TMEM132B: variants seen among roughly 807,000 people sequenced by gnomAD.
The protein encoded by TMEM132B is transmembrane protein 132B.
TMEM132B carries 18 observed loss-of-function variants against 90.8 expected under a neutral mutation model. That is an observed-to-expected ratio of 0.20 (90% CI 0.14 to 0.29). The LOEUF (loss-of-function observed/expected upper bound fraction) is 0.29, where lower values mean the gene tolerates loss of function less well. Among genes scored for constraint, TMEM132B ranks in the 10% least tolerant of loss-of-function variants. The pLI is 1.00. For synonymous variants in TMEM132B, 504 were observed against 523.3 expected, an observed-to-expected ratio of 0.96 and a Z score of 0.50; for missense variants, 1,096 against 1,326.8, an observed-to-expected ratio of 0.83 and a Z score of 2.70.
intron 1 of TMEM132B, among the ~76,000 whole-genome samples, chr12:125,245,211 T>TA (rs1249765325): frequency 2.6e-5 from 4 of 152,146 alleles, no homozygotes; most frequent in Admixed American, 2.0e-4. Context: ...AATCATTTTA[T>TA]AAAAAAAGGG....
intron 1 of TMEM132B, among the ~76,000 whole-genome samples, chr12:125,291,773 A>T (rs1052191647): frequency 1.3e-5 from 2 of 152,180 alleles, no homozygotes; most frequent in Non-Finnish European, 2.9e-5. Context: ...TTTAAAAAAA[A>T]ATTGTGGTGA....
chr12:125,660,522 T>G lies in TMEM132B; in HGVS notation c.*5812T>G. ...AATTGAGATAGGTTCTGAAGTTTTT[T>G]TGTTGTTTGCTTTTAGAAATTTTTA... On this transcript the variant is annotated 3_prime_UTR_variant, in exon 9 of 9. Coordinates refer to ENST00000682704, the MANE Select transcript of TMEM132B (RefSeq NM_001366854.1). The G allele has an allele frequency of 6.6e-6, 1 of 152,010 alleles. No homozygotes were observed. Among genetic ancestry groups the G allele is most frequent in the Non-Finnish European group, 1.5e-5 (1 of 68,026 alleles). The allele number at this position is 152,010 out of a possible 1,614,324, so 9.4% of individuals were successfully genotyped here.
At position 125,517,174 on chromosome 12, in the gene TMEM132B, T is replaced by C. The variant is rs144107533; in HGVS notation, c.1107-2265T>C. On this transcript the variant is annotated intron_variant, in intron 3 of 8. Transcript: ENST00000682704. ...CACATTTTCTCTCTCTCTCTTTTTT[T>C]TTTTTTGAGACAGTTTCGCACTTTC... Among the ~76,000 whole-genome samples the C allele has an allele frequency of 6.8e-3, 1,040 of 152,124 alleles. 20 individuals are homozygous for C. Among genetic ancestry groups the C allele is most frequent in the African/African-American group, 0.024 (1,010 of 41,500 alleles).
intron 3 of TMEM132B, among the ~76,000 whole-genome samples, chr12:125,431,407 G>T (rs1880500654): frequency 6.6e-6 from 1 of 152,120 alleles, no homozygotes; most frequent in Non-Finnish European, 1.5e-5. Flanking sequence ...CTCTACTTCG[G>T]TGGAAAGACA....
chr12:125,232,783 T>C (rs1184728715), intron 1 of TMEM132B, among the ~76,000 whole-genome samples: 2 of 152,266 alleles, frequency 1.3e-5, no homozygotes, highest in Non-Finnish European at 2.9e-5. Context: ...TTCAGTGAAA[T>C]GGCTATGTTG....
At chr12:125,575,084 T>TATATATATATATATATATATATG (rs1160167639) in intron 4 of TMEM132B, among the ~76,000 whole-genome samples, 1 of 19,650 alleles carries the variant, frequency 5.1e-5, no homozygotes, top group East Asian at 1.5e-3. Context: ...ATATATATAT[T>TATATATATATATATATATATATG]CAGGAGTAGA....
At chr12:125,509,675 T>C (rs962172870) in intron 3 of TMEM132B, among the ~76,000 whole-genome samples, 1 of 152,188 alleles carries the variant, frequency 6.6e-6, no homozygotes, top group Non-Finnish European at 1.5e-5. Context: ...GACTATTCTT[T>C]TATACTTTTT....
intron 3 of TMEM132B, among the ~76,000 whole-genome samples, chr12:125,431,418 C>T (rs1023289638): frequency 3.3e-5 from 5 of 152,144 alleles, no homozygotes; most frequent in Non-Finnish European, 7.3e-5. Context: ...TGGAAAGACA[C>T]CAGCCCCCTG....
At chr12:125,379,267 T>C (rs1878587858) in intron 2 of TMEM132B, among the ~76,000 whole-genome samples, 1 of 152,184 alleles carries the variant, frequency 6.6e-6, no homozygotes, top group Admixed American at 6.5e-5. Context: ...GAGGGTATCC[T>C]GGGTTATCCA....
At chr12:125,430,276 G>A (rs370925844) in intron 3 of TMEM132B, among the ~76,000 whole-genome samples, 6 of 152,202 alleles carry the variant, frequency 3.9e-5, no homozygotes, top group African/African-American at 9.7e-5. Flanking sequence ...CGCACTGGCC[G>A]GGGCTGTCTG....
In TMEM132B at chr12:125,209,844, C is replaced by A. The variant is rs749860807; in HGVS notation, c.67+22978C>A. On this transcript the variant is annotated intron_variant, in intron 1 of 8. Transcript: ENST00000682704. This position sits in a 1 kb window ranked among gnomAD's most constrained non-coding sequence, Gnocchi z 4.4. Reference sequence around the variant, plus strand: ...TGAAATTGTTCCCCAATCCTGATTTCTTTTCTCCTTCACTGGAGATAAATA... The same window carrying A: ...TGAAATTGTTCCCCAATCCTGATTTATTTTCTCCTTCACTGGAGATAAATA... Among the ~76,000 whole-genome samples the A allele has an allele frequency of 6.6e-6, 1 of 152,238 alleles. No individual in the cohort carries two copies. The highest frequency in any genetic ancestry group is 2.4e-5 in the African/African-American group (1 of 41,472).
Position 125,415,742 on chromosome 12 carries a change from T to G in TMEM132B, c.1106+65T>G. On this transcript the variant is annotated intron_variant, in intron 3 of 8. Coordinates refer to ENST00000682704, the MANE Select transcript of TMEM132B (RefSeq NM_001366854.1). The surrounding 1 kb of genome is among the most constrained non-coding windows in gnomAD (Gnocchi z 5.3). ...GGAGGGGAGTGGCTGCCAGAGCTGATAGCAAAATAATGTGCGTGTGGATAA... is the reference window on the plus strand; with the variant it reads ...GGAGGGGAGTGGCTGCCAGAGCTGAGAGCAAAATAATGTGCGTGTGGATAA... The G allele has an allele frequency of 1.3e-6, 2 of 1,578,104 alleles. No homozygotes were observed. The highest frequency in any genetic ancestry group is 1.7e-6 in the Non-Finnish European group (2 of 1,162,068).
At chr12:125,217,351 G>A (rs113659587) in intron 1 of TMEM132B, among the ~76,000 whole-genome samples, 2,282 of 152,320 alleles carry the variant, frequency 0.015, 27 homozygotes, top group Non-Finnish European at 0.023. Context: ...ATATATTGGG[G>A]TACCAGTACT....
rs1167421483 is a variant in TMEM132B, at chr12:125,204,321, G to A, written c.67+17455G>A. Among the ~76,000 whole-genome samples, 3 of 104,856 alleles carry A rather than the reference G, an allele frequency of 2.9e-5. 1 individual carries two copies. Among genetic ancestry groups the A allele is most frequent in the Non-Finnish European group, 6.6e-5 (3 of 45,764 alleles). The allele number at this position is 104,856 out of a possible 152,430, so 68.8% of individuals were successfully genotyped here. On this transcript the variant is annotated intron_variant, in intron 1 of 8. Coordinates refer to ENST00000682704, the MANE Select transcript of TMEM132B (RefSeq NM_001366854.1). ...AATGAGGGCTCCGTGTGCCAGGCAGGGTGCTTAGCCCTTTGTGTGGAATAT... is the reference window on the plus strand; with the variant it reads ...AATGAGGGCTCCGTGTGCCAGGCAGAGTGCTTAGCCCTTTGTGTGGAATAT...
At chr12:125,326,603 C>T in intron 1 of TMEM132B, 1 of 1,602,218 alleles carries the variant, frequency 6.2e-7, no homozygotes, top group South Asian at 1.1e-5. Flanking sequence ...GCCCTCGCCT[C>T]AGCTCCAGAC....
At chr12:125,525,471 G>A (rs1883426729) in intron 4 of TMEM132B, among the ~76,000 whole-genome samples, 1 of 152,208 alleles carries the variant, frequency 6.6e-6, no homozygotes, top group African/African-American at 2.4e-5. Context: ...GCGAGGACAT[G>A]GTGTTTCGTC....
rs754236184 is a variant in TMEM132B at position 125,653,926 on chromosome 12, T to C, written c.2468T>C (p.Ile823Thr). The C allele has an allele frequency of 1.4e-5, 22 of 1,613,976 alleles. No individual in the cohort carries two copies. The highest frequency in any genetic ancestry group is 1.1e-4 in the South Asian group (10 of 91,078). Residue 823 changes from isoleucine (I) to threonine (T), a missense_variant, in exon 9 of 9, where the codon ATA becomes ACA. Ile to Thr is a moderately conservative substitution (Grantham distance 89, BLOSUM62 -1). Transcript: ENST00000682704. ...TATAAAGACCACCTCAGTAATTCCA[T>C]AGAGCGCGAAGGAAACCAGGAGAGA... is the stretch of plus-strand genomic sequence containing the variant. ...REYKDHLSNS[I>T]EREGNQERAV...
At chr12:125,310,251 T>G (rs1031807382) in intron 1 of TMEM132B, among the ~76,000 whole-genome samples, 1 of 152,208 alleles carries the variant, frequency 6.6e-6, no homozygotes, top group Non-Finnish European at 1.5e-5. Context: ...CACCACAAGC[T>G]GTGCAAAGCA....
intron 2 of TMEM132B, among the ~76,000 whole-genome samples, chr12:125,376,331 G>A (rs1456730354): frequency 1.3e-5 from 2 of 151,946 alleles, no homozygotes; most frequent in Non-Finnish European, 1.5e-5. Context: ...AGATAAATTT[G>A]AGTAAGCCCA....
Sources: allele counts gnomAD v4.1 joint callset (sites outside exome capture counted in the v4.1 genomes callset), GRCh38; gene constraint gnomAD v4.1.1; non-coding constraint Gnocchi (gnomAD v3.1); transcripts MANE v1.5; gene names NCBI Gene and HGNC (gene_info 2026-07-23, HGNC 2026-07-21).